The following RHOA variants were observed in gnomAD, a reference collection of about 807,000 sequenced individuals.
RHOA encodes transforming protein RhoA.
In RHOA, 3 loss-of-function variants were observed where a neutral mutation model predicts 17.5. The ratio of observed to expected loss-of-function variants is 0.17; its 90% CI spans 0.08 to 0.44. The LOEUF (loss-of-function observed/expected upper bound fraction) is 0.44. Ranked by LOEUF, RHOA falls within the 20% of genes least tolerant of loss-of-function variation. RHOA has a pLI of 0.99. For synonymous variants in RHOA, 98 were observed against 88.4 expected (o/e 1.11, Z -0.61); for missense variants, 56 against 242.3 (o/e 0.23, Z 5.10).
intron 1 of RHOA, among the ~76,000 whole-genome samples, chr3:49,392,117 C>T (rs1459086533): frequency 6.6e-6 from 1 of 151,808 alleles, no homozygotes. Flanking sequence ...CGTGAGCCAC[C>T]ACACATGGCC....
chr3:49,409,157 G>T (rs1334105832), intron 1 of RHOA, among the ~76,000 whole-genome samples: 1 of 151,844 alleles, frequency 6.6e-6, no homozygotes, highest in African/African-American at 2.4e-5. Flanking sequence ...CACTTTGGGA[G>T]GCCAAGGCAG....
chr3:49,379,271 C>T (rs2048281102), intron 1 of RHOA, among the ~76,000 whole-genome samples: 1 of 151,870 alleles, frequency 6.6e-6, no homozygotes, highest in African/African-American at 2.4e-5. Flanking sequence ...GTGAAAGAAC[C>T]CAGTCACAAA....
intron 1 of RHOA, among the ~76,000 whole-genome samples, chr3:49,404,897 C>T (rs2048798640): frequency 6.6e-6 from 1 of 151,466 alleles, no homozygotes; most frequent in Non-Finnish European, 1.5e-5. Flanking sequence ...CGAGATCACG[C>T]CACTGCACTC....
chr3:49,396,555 A>G (rs187674306), intron 1 of RHOA, among the ~76,000 whole-genome samples: 1 of 152,208 alleles, frequency 6.6e-6, no homozygotes, highest in African/African-American at 2.4e-5. Context: ...AAAAATACAA[A>G]AATTAGCCGG....
chr3:49,376,563 A>C (rs572285758), intron 1 of RHOA, among the ~76,000 whole-genome samples: 1 of 151,176 alleles, frequency 6.6e-6, no homozygotes, highest in Non-Finnish European at 1.5e-5. Context: ...GAATGGCGTG[A>C]ACCCAGGAGA....
At chr3:49,401,393 C>G (rs1015996884) in intron 1 of RHOA, among the ~76,000 whole-genome samples, 15 of 151,956 alleles carry the variant, frequency 9.9e-5, no homozygotes, top group Non-Finnish European at 4.4e-5. Context: ...TAGCTTATGC[C>G]TATAATCCCA....
intron 1 of RHOA, among the ~76,000 whole-genome samples, chr3:49,395,158 G>A (rs1374014455): frequency 3.3e-5 from 5 of 151,954 alleles, no homozygotes; most frequent in Non-Finnish European, 4.4e-5. Flanking sequence ...GGCTGAGGCA[G>A]GAGAATGACG....
rs1459297127 is a variant in RHOA, at chr3:49,362,479, C to G, written c.408+17G>C. On this transcript the variant is annotated intron_variant, in intron 4 of 4. Transcript: ENST00000418115. Reference sequence around the variant, plus strand: ...TAGTTCAAGAATACTACAAGACAGTCCTGCCCCAGATCATGCCTGCTTCAT... The same window carrying G: ...TAGTTCAAGAATACTACAAGACAGTGCTGCCCCAGATCATGCCTGCTTCAT... 4 of 1,602,604 alleles carry G rather than the reference C, an allele frequency of 2.5e-6. No homozygotes were observed. Among genetic ancestry groups the G allele is most frequent in the African/African-American group, 2.7e-5 (2 of 74,606 alleles).
chr3:49,399,135 C>CGAG (rs1212757377), intron 1 of RHOA, among the ~76,000 whole-genome samples: 1 of 147,780 alleles, frequency 6.8e-6, no homozygotes, highest in East Asian at 2.1e-4. Context: ...TCTGGGAGGC[C>CGAG]GAGGCAGGCA....
chr3:49,408,523 C>A (rs1229589907), intron 1 of RHOA, among the ~76,000 whole-genome samples: 1 of 152,116 alleles, frequency 6.6e-6, no homozygotes, highest in Admixed American at 6.5e-5. Flanking sequence ...ACATGACTAT[C>A]GTAATTATGA....
Position 49,398,619 on chromosome 3 carries a change from C to G in RHOA, c.-3+13201G>C, listed in dbSNP as rs181807964. ...CGGGTGGATCACGAGGTCAGGAGAT[C>G]GAGACCATCCTGGCTAAAACACCAT... On this transcript the variant is annotated intron_variant, in intron 1 of 4. Transcript: ENST00000418115. Among the ~76,000 whole-genome samples the G allele has an allele frequency of 2.8e-4, 41 of 149,018 alleles. 1 individual carries two copies. Among genetic ancestry groups the G allele is most frequent in the Admixed American group, 1.1e-3 (17 of 14,824 alleles).
chr3:49,376,182 G>A (rs964170783), intron 1 of RHOA, among the ~76,000 whole-genome samples: 1 of 152,028 alleles, frequency 6.6e-6, no homozygotes, highest in Non-Finnish European at 1.5e-5. Flanking sequence ...GGAGGTCCTA[G>A]CCAGGGCAAT....
intron 2 of RHOA, among the ~76,000 whole-genome samples, chr3:49,372,115 A>T (rs1013026313): frequency 4.6e-5 from 7 of 152,204 alleles, no homozygotes; most frequent in African/African-American, 1.7e-4. Flanking sequence ...TGGTGCATCA[A>T]TCTAAGTTAG....
intron 1 of RHOA, among the ~76,000 whole-genome samples, chr3:49,376,630 A>T (rs189686694): frequency 6.8e-6 from 1 of 146,658 alleles, no homozygotes; most frequent in African/African-American, 2.5e-5. Flanking sequence ...GGGACAGAGT[A>T]AGACTCCATC....
chr3:49,385,361 G>T (rs947646148), intron 1 of RHOA, among the ~76,000 whole-genome samples: 1 of 151,226 alleles, frequency 6.6e-6, no homozygotes, highest in African/African-American at 2.4e-5. Context: ...GCTGGGAGGC[G>T]TCTGCCACCA....
At chr3:49,370,082 T>TA (rs140587482) in intron 2 of RHOA, among the ~76,000 whole-genome samples, 130 of 141,950 alleles carry the variant, frequency 9.2e-4, no homozygotes, top group East Asian at 3.9e-3. Context: ...AAACTCCATT[T>TA]AAAAAAAAAA....
At chr3:49,364,687 A>AAAAT (rs547245220) in intron 3 of RHOA, among the ~76,000 whole-genome samples, 4 of 152,022 alleles carry the variant, frequency 2.6e-5, no homozygotes, top group Non-Finnish European at 5.9e-5. Context: ...TAAATAAATA[A>AAAAT]AAATAAATAG....
Position 49,360,127 on chromosome 3 carries a change from A to G in RHOA, c.*82T>C, listed in dbSNP as rs1366772576. ...ATCTTAGGTAAATTATAGATAAATGAAAAAGGCCAGTAATCATACACTAAG... is the reference window on the plus strand; with the variant it reads ...ATCTTAGGTAAATTATAGATAAATGGAAAAGGCCAGTAATCATACACTAAG... On this transcript the variant is annotated 3_prime_UTR_variant, in exon 5 of 5. Coordinates refer to ENST00000418115, the MANE Select transcript of RHOA (RefSeq NM_001664.4). The G allele has an allele frequency of 7.4e-7, 1 of 1,358,180 alleles. No homozygotes were observed. The highest frequency in any genetic ancestry group is 1.9e-4 in the Middle Eastern group (1 of 5,308). The allele number at this position is 1,358,180 out of a possible 1,614,324, so 84.1% of individuals were successfully genotyped here.
At chr3:49,403,617 C>T (rs1418910742) in intron 1 of RHOA, among the ~76,000 whole-genome samples, 1 of 151,966 alleles carries the variant, frequency 6.6e-6, no homozygotes, top group East Asian at 1.9e-4. Context: ...GTCCCAGCTA[C>T]TCGGGAGGCT....
Sources: allele counts gnomAD v4.1 joint callset (sites outside exome capture counted in the v4.1 genomes callset), GRCh38; gene constraint gnomAD v4.1.1; transcripts MANE v1.5; gene names NCBI Gene and HGNC (gene_info 2026-07-23, HGNC 2026-07-21).